Variants in KAT7 observed in about 807,000 individuals in gnomAD.
KAT7 encodes histone acetyltransferase KAT7.
Under a neutral mutation model 82.1 loss-of-function variants are expected in KAT7, and 10 were observed. The ratio of observed to expected loss-of-function variants is 0.12; its 90% CI spans 0.08 to 0.21. The LOEUF is 0.21. Among genes scored for constraint, KAT7 ranks in the 10% least tolerant of loss-of-function variants. The pLI is 1.00. For missense variants in KAT7, 378 were observed against 760.9 expected (o/e 0.50, Z 5.92); for synonymous variants, 250 against 262.5 (o/e 0.95, Z 0.46).
At chr17:49,809,311 T>C in intron 6 of KAT7, 103 bp downstream of exon 6, 2 of 773,880 alleles carry the variant, frequency 2.6e-6, no homozygotes, top group Non-Finnish European at 4.3e-6. Context: ...TTTCCTGTGG[T>C]ATATCTTCCA....
intron 12 of KAT7, among the ~76,000 whole-genome samples, chr17:49,825,682 T>C (rs1011357697): frequency 2.0e-5 from 3 of 152,250 alleles, no homozygotes; most frequent in East Asian, 1.9e-4. Context: ...AGCATAGATA[T>C]GTGTTGATAG....
chr17:49,789,684 T>C (rs1165501937), intron 1 of KAT7: 1 of 152,182 alleles, frequency 6.6e-6, no homozygotes, highest in Non-Finnish European at 1.5e-5. Context: ...GACTACTTTC[T>C]GCGCGGTGGT....
At chr17:49,792,999 G>A (rs527764746) in intron 2 of KAT7, among the ~76,000 whole-genome samples, 3 of 152,092 alleles carry the variant, frequency 2.0e-5, no homozygotes, top group Admixed American at 6.5e-5. Context: ...TTTTTGTAGA[G>A]ATGAGGTCTT....
rs1262077111 is a variant in KAT7 at position 49,827,574 on chromosome 17, C to T, written c.*72C>T. Reference sequence around the variant, plus strand: ...TACCCTAGGGATCTGTCTGTCATTTCTCTGTTGCTCTTGTGATTGGCAAGT... The same window carrying T: ...TACCCTAGGGATCTGTCTGTCATTTTTCTGTTGCTCTTGTGATTGGCAAGT... On this transcript the variant is annotated 3_prime_UTR_variant, in exon 15 of 15. Transcript: ENST00000259021. 6.7e-6 allele frequency: 6 copies of T among 895,920 alleles called. No individual in the cohort carries two copies. In the African/African-American group the frequency reaches 9.8e-5, roughly 15 times the overall value. 55.5% of individuals were successfully genotyped at this position (895,920 alleles called of 1,614,324 possible).
chr17:49,793,395 A>G (rs1333441903), intron 2 of KAT7, among the ~76,000 whole-genome samples: 1 of 152,168 alleles, frequency 6.6e-6, no homozygotes, highest in African/African-American at 2.4e-5. Flanking sequence ...TAGTGCATTT[A>G]GGCATCTGGG....
At position 49,788,839 on chromosome 17, in the gene KAT7, C is replaced by G. The variant is rs753759182; in HGVS notation, c.5C>G (p.Pro2Arg). ...GTCGGGCCGCAGCCGCCGGCAATGC[C>G]GCGAAGGAAGGTGAGAAACGGGAGA... Reference protein sequence around the residue: MPRRKRNAGSSS... With the variant: MRRRKRNAGSSS... Residue 2 changes from proline (P) to arginine (R), a missense_variant, in exon 1 of 15, where the codon CCG becomes CGG. This residue lies in a region of KAT7 where 161 missense variants were observed against 229.6 expected (regional missense o/e 0.70). Transcript: ENST00000259021. 1 of 1,587,164 alleles carries G rather than the reference C, an allele frequency of 6.3e-7. No individual in the cohort carries two copies.
At chr17:49,797,899 CT>C (rs983835030) in intron 3 of KAT7, among the ~76,000 whole-genome samples, 2 of 152,114 alleles carry the variant, frequency 1.3e-5, no homozygotes, top group African/African-American at 2.4e-5. Context: ...TACAAACAGG[CT>C]CACTCAAGAC....
In KAT7 at chr17:49,834,854, ATTAG is replaced by A. The variant is rs1208333606; in HGVS notation, c.*7355_*7358del. ...AGGGAGACCCAATCCCTACAAAAAAATTAGTTGGGCATGGTGGTGTGCACCCGTA... is the reference window on the plus strand; with the variant it reads ...AGGGAGACCCAATCCCTACAAAAAAATTGGGCATGGTGGTGTGCACCCGTA... On this transcript the variant is annotated 3_prime_UTR_variant, in exon 15 of 15. Coordinates refer to ENST00000259021, the MANE Select transcript of KAT7 (RefSeq NM_007067.5). 1 of 152,134 alleles carries A rather than the reference ATTAG, an allele frequency of 6.6e-6. No individual in the cohort carries two copies. Among genetic ancestry groups the A allele is most frequent in the Non-Finnish European group, 1.5e-5 (1 of 68,064 alleles). 9.4% of individuals were successfully genotyped at this position (152,134 alleles called of 1,614,324 possible).
At chr17:49,800,157 G>A (rs555804644) in intron 4 of KAT7, among the ~76,000 whole-genome samples, 7 of 151,980 alleles carry the variant, frequency 4.6e-5, no homozygotes, top group African/African-American at 9.6e-5. Flanking sequence ...GACTACAGGC[G>A]CCTGCCACCA....
intron 9 of KAT7, among the ~76,000 whole-genome samples, chr17:49,818,251 TTCTTG>T (rs1344990249): frequency 6.6e-6 from 1 of 152,182 alleles, no homozygotes; most frequent in African/African-American, 2.4e-5. Context: ...CATGTACATC[TTCTTG>T]TCTTTTGTTC....
rs758606129 is a variant in KAT7 at position 49,811,610 on chromosome 17, C to T, written c.852+36C>T. The stretch of plus-strand genomic sequence containing the variant: ...GTTAAATATTTAATGAGCATGAACT[C>T]CTGCTATCACATTTGATTCCTTTTG... On this transcript the variant is annotated intron_variant, in intron 7 of 14. Transcript: ENST00000259021. The T allele has an allele frequency of 7.6e-6, 8 of 1,054,350 alleles. No homozygotes were observed. The South Asian group carries it at 1.6e-4, about 21-fold the overall frequency. 65.3% of individuals were successfully genotyped at this position (1,054,350 alleles called of 1,614,324 possible).
At chr17:49,797,493 G>C (rs2073972096) in intron 3 of KAT7, among the ~76,000 whole-genome samples, 1 of 152,076 alleles carries the variant, frequency 6.6e-6, no homozygotes, top group Non-Finnish European at 1.5e-5. Flanking sequence ...ATTTGAAAAG[G>C]GCTTGAAGCA....
At chr17:49,792,212 G>A (rs533593773) in intron 2 of KAT7, among the ~76,000 whole-genome samples, 179 bp downstream of exon 2, 25 of 152,152 alleles carry the variant, frequency 1.6e-4, no homozygotes, top group African/African-American at 6.0e-4. Context: ...ATGCCTCTGT[G>A]GGGGGCTACT....
chr17:49,826,647 G>T, intron 13 of KAT7, 46 bp from the exon 14 acceptor site: 1 of 1,325,450 alleles, frequency 7.5e-7, no homozygotes, highest in South Asian at 1.2e-5. Flanking sequence ...GCAAAGGGGT[G>T]GGAACCTGCA....
At position 49,788,803 on chromosome 17, in the gene KAT7, G is replaced by T. The variant is rs762261423; in HGVS notation, c.-32G>T. On this transcript the variant is annotated 5_prime_UTR_variant, in exon 1 of 15. Coordinates refer to ENST00000259021, the MANE Select transcript of KAT7 (RefSeq NM_007067.5). ...GTTCCTGCTGCTGCCGCCGCTGCCC[G>T]AATCGGAACCGTCGGGCCGCAGCCG... The T allele has an allele frequency of 6.3e-7, 1 of 1,578,738 alleles. No homozygotes were observed.
At chr17:49,815,033 A>C (rs1474383235) in intron 7 of KAT7, 1 of 152,226 alleles carries the variant, frequency 6.6e-6, no homozygotes, top group Non-Finnish European at 1.5e-5. Context: ...TTTCCTTTGT[A>C]GAATCTCTTT....
In KAT7 at chr17:49,821,632, CT is replaced by C. The variant is rs775101568; in HGVS notation, c.1246-17del. Reference sequence around the variant, plus strand: ...GGAATCAGTGGCCCACACATGAACTCTGTTTCTCTGCTTCCAGATCTACTGC... The same window carrying C: ...GGAATCAGTGGCCCACACATGAACTCGTTTCTCTGCTTCCAGATCTACTGC... On this transcript the variant is annotated splice_polypyrimidine_tract_variant and intron_variant, in intron 10 of 14. Coordinates refer to ENST00000259021, the MANE Select transcript of KAT7 (RefSeq NM_007067.5). The C allele has an allele frequency of 6.2e-7, 1 of 1,612,508 alleles. No individual in the cohort carries two copies. Among genetic ancestry groups the C allele is most frequent in the Non-Finnish European group, 8.5e-7 (1 of 1,179,940 alleles).
chr17:49,810,767 G>C (rs1385519712), intron 6 of KAT7, among the ~76,000 whole-genome samples: 1 of 152,058 alleles, frequency 6.6e-6, no homozygotes, highest in Non-Finnish European at 1.5e-5. Context: ...TTGTATTCCT[G>C]AACCTATATT....
At chr17:49,799,614 A>G (rs1190037293) in intron 4 of KAT7, among the ~76,000 whole-genome samples, 2 of 152,166 alleles carry the variant, frequency 1.3e-5, no homozygotes, top group Non-Finnish European at 2.9e-5. Flanking sequence ...TGACCTCATG[A>G]TCTGCACGCC....
Sources: gnomAD v4.1 joint callset for allele counts (sites outside exome capture counted in the v4.1 genomes callset) on GRCh38, gnomAD v4.1.1 for gene constraint, gnomAD v4.1.1 regional missense constraint, MANE v1.5 for transcripts, NCBI Gene and HGNC (gene_info 2026-07-23, HGNC 2026-07-21) for gene names.